The following CAMKMT variants were observed in gnomAD, a reference collection of about 807,000 sequenced individuals.
CAMKMT encodes the protein CaM KMT.
Under a neutral mutation model 48.0 loss-of-function variants are expected in CAMKMT, and 53 were observed. The observed-to-expected ratio is 1.10, with a 90% CI of 0.89 to 1.39. The LOEUF is 1.39. Ranked by LOEUF, CAMKMT falls within the 40% of genes most tolerant of loss-of-function variation. The pLI is 0.00. For synonymous variants in CAMKMT, 165 were observed against 152.3 expected, an observed-to-expected ratio of 1.08 and a Z score of -0.61; for missense variants, 428 against 402.7, an observed-to-expected ratio of 1.06 and a Z score of -0.54.
intron 3 of CAMKMT, among the ~76,000 whole-genome samples, chr2:44,638,028 C>T (rs1050793004): frequency 1.4e-5 from 2 of 145,938 alleles, no homozygotes; most frequent in African/African-American, 5.0e-5. Flanking sequence ...TCATGCCAGC[C>T]TGGGCGACCG....
In CAMKMT at chr2:44,558,842, C is replaced by T. The variant is rs1171459946; in HGVS notation, c.377-145441C>T. On this transcript the variant is annotated intron_variant, in intron 3 of 10. Transcript: ENST00000378494. ...TAACTATTGGGTATTATGTTCACTACCTTGGTGATGGGATTATTCGTACAC... is the reference window on the plus strand; with the variant it reads ...TAACTATTGGGTATTATGTTCACTATCTTGGTGATGGGATTATTCGTACAC... Among the ~76,000 whole-genome samples the T allele has an allele frequency of 2.0e-5, 3 of 152,084 alleles. No individual in the cohort carries two copies. In the East Asian group the frequency reaches 5.8e-4, roughly 29 times the overall value.
At chr2:44,509,060 C>T (rs1191251534) in intron 3 of CAMKMT, among the ~76,000 whole-genome samples, 1 of 150,170 alleles carries the variant, frequency 6.7e-6, no homozygotes, top group African/African-American at 2.5e-5. Flanking sequence ...CATGCCACTA[C>T]ACTCCAGGCT....
intron 3 of CAMKMT, among the ~76,000 whole-genome samples, chr2:44,700,791 G>A (rs1291881970): frequency 6.6e-6 from 1 of 152,192 alleles, no homozygotes; most frequent in Non-Finnish European, 1.5e-5. Context: ...GACACTAGTT[G>A]AGCACATGCT....
chr2:44,680,091 G>A (rs936541319), intron 3 of CAMKMT, among the ~76,000 whole-genome samples: 49 of 152,160 alleles, frequency 3.2e-4, no homozygotes, highest in African/African-American at 1.1e-3. Flanking sequence ...AATCAGCGGT[G>A]TTTTCTTTTT....
At chr2:44,555,167 A>T (rs1260872292) in intron 3 of CAMKMT, among the ~76,000 whole-genome samples, 1 of 152,240 alleles carries the variant, frequency 6.6e-6, no homozygotes, top group Non-Finnish European at 1.5e-5. Flanking sequence ...AATTTACATT[A>T]TTCATTCAGG....
intron 3 of CAMKMT, among the ~76,000 whole-genome samples, chr2:44,510,271 G>A (rs1670473165): frequency 6.6e-6 from 1 of 151,984 alleles, no homozygotes; most frequent in Admixed American, 6.5e-5. Context: ...GTCTTTCACG[G>A]CCTTGATACT....
intron 6 of CAMKMT, among the ~76,000 whole-genome samples, chr2:44,713,655 A>T (rs901122389): frequency 6.6e-6 from 1 of 152,136 alleles, no homozygotes; most frequent in Admixed American, 6.5e-5. Context: ...GGAAAAAAAA[A>T]GTCTGCATTA....
intron 3 of CAMKMT, among the ~76,000 whole-genome samples, chr2:44,594,854 C>A (rs1178206488): frequency 6.6e-6 from 1 of 152,132 alleles, no homozygotes; most frequent in Non-Finnish European, 1.5e-5. Context: ...GCAAAAGAAA[C>A]TATCATCAGA....
intron 3 of CAMKMT, among the ~76,000 whole-genome samples, chr2:44,684,301 A>T (rs2104192382): frequency 6.6e-6 from 1 of 152,342 alleles, no homozygotes; most frequent in African/African-American, 2.4e-5. Context: ...AGGGCTGATA[A>T]CAATATAACA....
chr2:44,737,096 A>G (rs905142443), intron 7 of CAMKMT, among the ~76,000 whole-genome samples: 2 of 151,972 alleles, frequency 1.3e-5, no homozygotes, highest in African/African-American at 4.8e-5. Flanking sequence ...ATGTTTTTAT[A>G]TTTCTGTAAA....
intron 3 of CAMKMT, among the ~76,000 whole-genome samples, chr2:44,454,468 C>G (rs993624882): frequency 6.6e-6 from 1 of 151,910 alleles, no homozygotes; most frequent in African/African-American, 2.4e-5. Flanking sequence ...GTCAGAAATC[C>G]CCCTCTAAAT....
chr2:44,689,501 C>G (rs192189797), intron 3 of CAMKMT, among the ~76,000 whole-genome samples: 3 of 152,026 alleles, frequency 2.0e-5, no homozygotes, highest in African/African-American at 7.3e-5. Flanking sequence ...CCTGAGGACA[C>G]TCAAGCACAG....
At chr2:44,362,221 A>T (rs1296425665) in intron 1 of CAMKMT, 76 bp downstream of exon 1, 2 of 1,290,924 alleles carry the variant, frequency 1.5e-6, no homozygotes, top group Admixed American at 3.9e-5. Flanking sequence ...GACTGTTCGC[A>T]GTTCTTTCCT....
At chr2:44,544,631 T>C (rs1187954527) in intron 3 of CAMKMT, among the ~76,000 whole-genome samples, 1 of 152,224 alleles carries the variant, frequency 6.6e-6, no homozygotes, top group Non-Finnish European at 1.5e-5. Flanking sequence ...AGTGCTAACA[T>C]GTCACTAAAG....
At position 44,706,340 on chromosome 2, in the gene CAMKMT, TG is replaced by T; in HGVS notation, c.492+1del. The T allele has an allele frequency of 6.2e-7, 1 of 1,613,168 alleles. No individual in the cohort carries two copies. Among genetic ancestry groups the T allele is most frequent in the East Asian group, 2.2e-5 (1 of 44,864 alleles). Reference protein sequence around the residue: ...GGGMTCLAGLMVAISADVKEV... With the variant: ...GGGMTCLAGLXVAISADVKEV... The stretch of plus-strand genomic sequence containing the variant: ...GGCATGACATGCTTGGCTGGGCTCA[TG>T]GTAGGTCTTTTCTCCATTCCAATCC... On this transcript the variant is annotated frameshift_variant and splice_region_variant, in exon 5 of 11. Coordinates refer to ENST00000378494, the MANE Select transcript of CAMKMT (RefSeq NM_024766.5). LOFTEE classifies it high-confidence loss of function.
chr2:44,551,362 A>AT (rs1396652724), intron 3 of CAMKMT, among the ~76,000 whole-genome samples: 20 of 152,116 alleles, frequency 1.3e-4, no homozygotes, highest in Admixed American at 1.3e-3. Flanking sequence ...TATGCATAAG[A>AT]TTGGAAGGAT....
At chr2:44,493,194 C>A (rs561772871) in intron 3 of CAMKMT, among the ~76,000 whole-genome samples, 33 of 152,134 alleles carry the variant, frequency 2.2e-4, no homozygotes, top group Admixed American at 6.5e-4. Flanking sequence ...TGCACCTGGC[C>A]TTAATATTTT....
intron 2 of CAMKMT, among the ~76,000 whole-genome samples, chr2:44,381,414 T>C (rs898623417): frequency 2.0e-5 from 3 of 152,172 alleles, no homozygotes; most frequent in Non-Finnish European, 4.4e-5. Context: ...GAGAGACAGA[T>C]GCAAGAAGAA....
intron 3 of CAMKMT, among the ~76,000 whole-genome samples, chr2:44,569,787 C>G (rs934621008): frequency 6.6e-6 from 1 of 152,174 alleles, no homozygotes; most frequent in East Asian, 1.9e-4. Context: ...AAATAAAATG[C>G]TCTTTGTTGC....
Sources: gnomAD v4.1 joint callset for allele counts (sites outside exome capture counted in the v4.1 genomes callset) on GRCh38, gnomAD v4.1.1 for gene constraint, MANE v1.5 for transcripts, NCBI Gene and HGNC (gene_info 2026-07-23, HGNC 2026-07-21) for gene names.